TMEM117: variants seen among roughly 807,000 people sequenced by gnomAD.
TMEM117 encodes the protein transmembrane protein 117.
TMEM117 carries 27 observed loss-of-function variants against 52.4 expected under a neutral mutation model. The observed-to-expected ratio is 0.51, with a 90% CI of 0.38 to 0.71. The LOEUF (loss-of-function observed/expected upper bound fraction) is 0.71, where lower values mean the gene tolerates loss of function less well. Among genes scored for constraint, TMEM117 ranks in the 30% least tolerant of loss-of-function variants. The probability of loss-of-function intolerance (pLI) is 0.00; values close to 1 mark genes in which losing one functional copy is unlikely to be tolerated. For synonymous variants in TMEM117, 215 were observed against 206.3 expected (o/e 1.04, Z -0.36); for missense variants, 556 against 630.5 (o/e 0.88, Z 1.26).
Position 44,388,582 on chromosome 12 carries a change from G to A in TMEM117, c.1455G>A (p.Ser485=), listed in dbSNP as rs1303646685. 1.9e-6 allele frequency: 3 copies of A among 1,613,372 alleles called. No individual in the cohort carries two copies. The highest frequency in any genetic ancestry group is 1.7e-6 in the Non-Finnish European group (2 of 1,179,572). Residue 485 remains serine, a synonymous_variant, in exon 8 of 8, where the codon TCG becomes TCA. Transcript: ENST00000266534. ...EIVYKSSHLT[S]ENLSSQLNES... ...TCTACAAGTCTTCCCACCTAACCTCGGAAAACTTGAGCTCACAGTTGAACG... is the reference window on the plus strand; with the variant it reads ...TCTACAAGTCTTCCCACCTAACCTCAGAAAACTTGAGCTCACAGTTGAACG...
At chr12:44,396,756 A>T in the TMEM117 span, among the ~76,000 whole-genome samples, 2 of 150,300 alleles carry the variant, frequency 1.3e-5, no homozygotes, top group Admixed American at 1.3e-4. Flanking sequence ...CAGGAGGCTG[A>T]GGGAGGAGAA....
intron 1 of TMEM117, among the ~76,000 whole-genome samples, chr12:43,839,562 A>G (rs1041447269): frequency 6.6e-6 from 1 of 151,962 alleles, no homozygotes; most frequent in East Asian, 1.9e-4. Context: ...TTCTAATGTC[A>G]CCTTATAATG....
intron 3 of TMEM117, among the ~76,000 whole-genome samples, chr12:43,959,227 A>G (rs913500691): frequency 1.3e-5 from 2 of 152,236 alleles, no homozygotes; most frequent in East Asian, 1.9e-4. Flanking sequence ...TCAAGATCCA[A>G]TTAAAGTCCA....
intron 4 of TMEM117, 96 bp downstream of exon 4, chr12:44,143,720 A>T (rs974012465): frequency 9.8e-6 from 8 of 817,394 alleles, no homozygotes; most frequent in Non-Finnish European, 1.5e-5. Context: ...AGAGTAAAAT[A>T]ATTACCTCTC....
chr12:43,974,980 A>G (rs1183826124), intron 3 of TMEM117, among the ~76,000 whole-genome samples: 3 of 152,192 alleles, frequency 2.0e-5, no homozygotes, highest in Non-Finnish European at 4.4e-5. Context: ...TATTTAACCT[A>G]TCACAATCAA....
intron 3 of TMEM117, among the ~76,000 whole-genome samples, chr12:43,996,390 TC>T (rs1248827543): frequency 3.3e-5 from 5 of 152,110 alleles, no homozygotes; most frequent in African/African-American, 4.8e-5. Flanking sequence ...ACACCTGTAA[TC>T]CCAGCCCTTT....
chr12:43,887,724 T>C (rs1455816453), intron 2 of TMEM117, among the ~76,000 whole-genome samples: 1 of 152,226 alleles, frequency 6.6e-6, no homozygotes, highest in East Asian at 1.9e-4. Flanking sequence ...TCAGCAGAAG[T>C]TGTACTTATT....
At chr12:43,797,208 C>G in the TMEM117 span, 1 of 1,475,072 alleles carries the variant, frequency 6.8e-7, no homozygotes, top group Non-Finnish European at 9.2e-7. Context: ...AAAACTACAG[C>G]TAAGCCCTCT....
At chr12:44,330,946 A>T (rs1416606266) in intron 6 of TMEM117, among the ~76,000 whole-genome samples, 2 of 152,070 alleles carry the variant, frequency 1.3e-5, no homozygotes, top group African/African-American at 4.8e-5. Flanking sequence ...TTACATTTTA[A>T]TTTAAAACTG....
chr12:43,952,326 G>A (rs938604470), intron 3 of TMEM117, among the ~76,000 whole-genome samples: 24 of 152,012 alleles, frequency 1.6e-4, no homozygotes, highest in African/African-American at 5.6e-4. Context: ...TAGAGAGTGG[G>A]TTATAACTGA....
chr12:44,205,172 C>T (rs986971086), intron 4 of TMEM117, among the ~76,000 whole-genome samples: 2 of 152,114 alleles, frequency 1.3e-5, no homozygotes, highest in Admixed American at 6.6e-5. Flanking sequence ...TGTAATAACC[C>T]TCACATGTCA....
chr12:43,974,066 T>A (rs1945633906), intron 3 of TMEM117, among the ~76,000 whole-genome samples: 1 of 152,200 alleles, frequency 6.6e-6, no homozygotes, highest in Non-Finnish European at 1.5e-5. Context: ...AAAGAGGGCT[T>A]GATTAAATTG....
At chr12:44,274,709 T>C (rs1461285034) in intron 5 of TMEM117, among the ~76,000 whole-genome samples, 2 of 152,088 alleles carry the variant, frequency 1.3e-5, no homozygotes, top group Admixed American at 6.6e-5. Context: ...TTGGAAAAGA[T>C]AGTCTCTTCA....
At chr12:43,973,761 T>A (rs1945628891) in intron 3 of TMEM117, among the ~76,000 whole-genome samples, 1 of 152,210 alleles carries the variant, frequency 6.6e-6, no homozygotes, top group African/African-American at 2.4e-5. Context: ...GTTTCCCAGA[T>A]GTTATAATTC....
intron 7 of TMEM117, among the ~76,000 whole-genome samples, chr12:44,387,229 C>T: frequency 6.6e-6 from 1 of 151,456 alleles, no homozygotes; most frequent in Non-Finnish European, 1.5e-5. Context: ...CTCTAGTATA[C>T]CTGAAAAGTT....
intron 3 of TMEM117, among the ~76,000 whole-genome samples, chr12:44,093,902 G>T (rs1947714106): frequency 6.6e-6 from 1 of 151,974 alleles, no homozygotes; most frequent in African/African-American, 2.4e-5. Flanking sequence ...CATTGTGCAT[G>T]ATTTAGTATT....
Position 44,388,201 on chromosome 12 carries a change from C to T in TMEM117, c.1074C>T (p.Ser358=). 6.2e-7 allele frequency: 1 copy of T among 1,613,370 alleles called. No homozygotes were observed. The highest frequency in any genetic ancestry group is 8.5e-7 in the Non-Finnish European group (1 of 1,179,598). Residue 358 remains serine, a synonymous_variant, in exon 8 of 8, where the codon TCC becomes TCT. Transcript: ENST00000266534. ...SLKDLNRTKL[S]WEWRSNHTNP... ...AAGATTTGAACAGAACCAAGCTATC[C>T]TGGGAATGGAGGTCCAATCACACTA... is the stretch of plus-strand genomic sequence containing the variant.
intron 3 of TMEM117, among the ~76,000 whole-genome samples, chr12:44,068,450 C>T (rs1020097377): frequency 3.3e-5 from 5 of 152,106 alleles, no homozygotes; most frequent in African/African-American, 1.2e-4. Flanking sequence ...TTCACTTGAA[C>T]ATTTGGAGGC....
At chr12:44,179,625 C>T (rs1949163201) in intron 4 of TMEM117, among the ~76,000 whole-genome samples, 1 of 152,150 alleles carries the variant, frequency 6.6e-6, no homozygotes. Flanking sequence ...TGGATGGTGC[C>T]CACCAATTGG....
Sources: gnomAD v4.1 joint callset for allele counts (sites outside exome capture counted in the v4.1 genomes callset) on GRCh38, gnomAD v4.1.1 for gene constraint, MANE v1.5 for transcripts, NCBI Gene and HGNC (gene_info 2026-07-23, HGNC 2026-07-21) for gene names.